The following NAA25 variants were observed in gnomAD, a reference collection of about 807,000 sequenced individuals.
The protein encoded by NAA25 is N-terminal acetyltransferase B complex subunit NAA25.
Under a neutral mutation model 132.5 loss-of-function variants are expected in NAA25, and 30 were observed. The ratio of observed to expected loss-of-function variants is 0.23; its 90% CI spans 0.17 to 0.31. The LOEUF (loss-of-function observed/expected upper bound fraction) is 0.31. Among genes scored for constraint, NAA25 ranks in the 10% least tolerant of loss-of-function variants. The pLI, the probability that NAA25 is intolerant of heterozygous loss-of-function variation, is 1.00. For synonymous variants in NAA25, 359 were observed against 401.9 expected (o/e 0.89, Z 1.28); for missense variants, 771 against 1,150.4 (o/e 0.67, Z 4.77).
At chr12:112,047,818 T>C in intron 16 of NAA25, 28 bp from the exon 17 acceptor site, 3 of 1,571,408 alleles carry the variant, frequency 1.9e-6, no homozygotes. Context: ...CCACATATTA[T>C]TTTAATAGTA....
At position 112,043,174 on chromosome 12, in the gene NAA25, C is replaced by T; in HGVS notation, c.2288G>A (p.Gly763Glu). 2 of 1,613,014 alleles carry T rather than the reference C, an allele frequency of 1.2e-6. No individual in the cohort carries two copies. The highest frequency in any genetic ancestry group is 1.7e-6 in the Non-Finnish European group (2 of 1,179,378). The change falls in exon 19 of 24, where the codon GGA becomes GAA. Residue 763 changes from glycine (G) to glutamate (E), a missense_variant. Gly to Glu is a moderately conservative substitution (Grantham distance 98, BLOSUM62 -2). Transcript: ENST00000261745. ...FLGPVPTRMGGFFNSGCSQCQ... is the reference protein window; with the variant it reads ...FLGPVPTRMGEFFNSGCSQCQ... ...CTGAGAACAGCCAGAATTAAAGAAT[C>T]CACCCATTCTGGTAGGTACAGGACC... is the stretch of plus-strand genomic sequence containing the variant.
rs190572415 is a variant in NAA25, at chr12:112,072,762, G to A, written c.867-698C>T. Among the ~76,000 whole-genome samples, 14 of 151,926 alleles carry A rather than the reference G, an allele frequency of 9.2e-5. No homozygotes were observed. The East Asian group carries it at 2.7e-3, about 29-fold the overall frequency. On this transcript the variant is annotated intron_variant, in intron 9 of 23. Transcript: ENST00000261745. ...GAGACCAGCCTAGGCAATGCATGGA[G>A]ACCCCATCTCTACAAAAAATTTAAA...
chr12:112,078,750 A>T lies in NAA25; in HGVS notation c.478-9T>A. Reference sequence around the variant, plus strand: ...TCCTGTGCCGATATAGACTGAAAGAAGAAAAATAATGTTTCATTCTAATTC... The same window carrying T: ...TCCTGTGCCGATATAGACTGAAAGATGAAAAATAATGTTTCATTCTAATTC... On this transcript the variant is annotated splice_polypyrimidine_tract_variant and intron_variant, in intron 5 of 23. Transcript: ENST00000261745. 1 of 1,602,472 alleles carries T rather than the reference A, an allele frequency of 6.2e-7. No homozygotes were observed. Among genetic ancestry groups the T allele is most frequent in the Non-Finnish European group, 8.5e-7 (1 of 1,170,544 alleles).
Position 112,075,663 on chromosome 12 carries a change from A to C in NAA25, c.776+15T>G, listed in dbSNP as rs2078885290. 6.2e-7 allele frequency: 1 copy of C among 1,603,382 alleles called. No homozygotes were observed. The highest frequency in any genetic ancestry group is 8.5e-7 in the Non-Finnish European group (1 of 1,170,390). ...TCACTACAGTCAAATGGTACAAAAGAAAGCTTTTACTCACTTTTTTAGTAA... is the reference window on the plus strand; with the variant it reads ...TCACTACAGTCAAATGGTACAAAAGCAAGCTTTTACTCACTTTTTTAGTAA... On this transcript the variant is annotated intron_variant, in intron 8 of 23. Transcript: ENST00000261745.
At chr12:112,033,916 A>AG (rs2078186534) in intron 22 of NAA25, 1 of 152,182 alleles carries the variant, frequency 6.6e-6, no homozygotes, top group African/African-American at 2.4e-5. Context: ...AAAGAATAGA[A>AG]GACATATCAA....
intron 22 of NAA25, among the ~76,000 whole-genome samples, chr12:112,038,756 G>C (rs1388272345): frequency 6.6e-6 from 1 of 152,146 alleles, no homozygotes; most frequent in Non-Finnish European, 1.5e-5. Context: ...GAGGTGGGCA[G>C]ATCACTTAAG....
At position 112,096,319 on chromosome 12, in the gene NAA25, CTCA is replaced by C. The variant is rs367569285; in HGVS notation, c.59-3186_59-3184del. 7.9e-5 allele frequency among the ~76,000 whole-genome samples: 12 copies of C among 152,306 alleles called. No homozygotes were observed. In the East Asian group the frequency reaches 9.6e-4, roughly 12 times the overall value. ...TCTACCACTACCAGGTTCCTCTTTG[CTCA>C]TCAAAGTTCCCTATCAGCAAAGGCA... On this transcript the variant is annotated intron_variant, in intron 1 of 23. Transcript: ENST00000261745.
intron 2 of NAA25, among the ~76,000 whole-genome samples, chr12:112,092,687 T>A (rs549715014): frequency 5.5e-4 from 84 of 152,042 alleles, no homozygotes; most frequent in Non-Finnish European, 9.3e-4. Context: ...CCCCCCTTTT[T>A]TTTTTTTTGA....
intron 22 of NAA25, 73 bp downstream of exon 22, chr12:112,039,156 G>C (rs2078267297): frequency 1.1e-6 from 1 of 928,150 alleles, no homozygotes. Context: ...TCAACATGGA[G>C]GAAAACAGTG....
At position 112,087,318 on chromosome 12, in the gene NAA25, TA is replaced by T. The variant is rs562332419; in HGVS notation, c.402+364del. 2.4e-3 allele frequency among the ~76,000 whole-genome samples: 365 copies of T among 152,332 alleles called. 1 individual carries two copies. Among genetic ancestry groups the T allele is most frequent in the Non-Finnish European group, 4.4e-3 (297 of 68,028 alleles). On this transcript the variant is annotated intron_variant, in intron 4 of 23. Coordinates refer to ENST00000261745, the MANE Select transcript of NAA25 (RefSeq NM_024953.4). ...ACAGTTTAAATTTACAAATTAGATG[TA>T]AACTTTAAAGTTACTCTTTCCATAG...
At chr12:112,055,830 T>A (rs1433436102) in intron 13 of NAA25, among the ~76,000 whole-genome samples, 1 of 152,180 alleles carries the variant, frequency 6.6e-6, no homozygotes, top group Non-Finnish European at 1.5e-5. Context: ...ACTTTTACAG[T>A]CAGTAACAAC....
chr12:112,060,670 A>G (rs1025817119), intron 12 of NAA25, among the ~76,000 whole-genome samples: 4 of 152,204 alleles, frequency 2.6e-5, no homozygotes, highest in African/African-American at 9.7e-5. Context: ...AGTGCCATGT[A>G]TAACTAAATT....
intron 13 of NAA25, 140 bp from the exon 14 acceptor site, chr12:112,054,708 A>T: frequency 1.4e-6 from 1 of 718,802 alleles, no homozygotes; most frequent in Non-Finnish European, 2.2e-6. Context: ...TTAGATATAC[A>T]CCTGTAACCA....
chr12:112,086,414 T>G (rs754562264), intron 4 of NAA25, among the ~76,000 whole-genome samples: 19 of 151,658 alleles, frequency 1.3e-4, no homozygotes, highest in Admixed American at 2.0e-4. Flanking sequence ...GAGAATCGCT[T>G]CAACCTGGGA....
In NAA25 at chr12:112,057,110, C is replaced by T. The variant is rs2078557943; in HGVS notation, c.1448-2542G>A. 4.6e-5 allele frequency among the ~76,000 whole-genome samples: 7 copies of T among 152,274 alleles called. No homozygotes were observed. The South Asian group carries it at 1.4e-3, about 32-fold the overall frequency. On this transcript the variant is annotated intron_variant, in intron 13 of 23. Coordinates refer to ENST00000261745, the MANE Select transcript of NAA25 (RefSeq NM_024953.4). ...GGCTGAGGCAGGAGAATCGCTTGAA[C>T]TTGGGACGCAGAGGTTGCAGTGAGC...
At chr12:112,081,202 A>G (rs2078969551) in intron 4 of NAA25, 68 bp from the exon 5 acceptor site, 2 of 1,341,744 alleles carry the variant, frequency 1.5e-6, no homozygotes, top group East Asian at 4.6e-5. Context: ...ATCTAGATAC[A>G]CGACAAAAAG....
In NAA25 at chr12:112,049,701, C is replaced by G; in HGVS notation, c.1729-1258G>C. The stretch of plus-strand genomic sequence containing the variant: ...TCAAGAAGGACTACCTGAAAAAGCT[C>G]GAGTATACCTTCTAGCTTGATTAAA... On this transcript the variant is annotated intron_variant, in intron 15 of 23. Transcript: ENST00000261745. This position sits in a 1 kb window ranked among gnomAD's most constrained non-coding sequence, Gnocchi z 4.7. 1 of 909,448 alleles carries G rather than the reference C, an allele frequency of 1.1e-6. No individual in the cohort carries two copies. The highest frequency in any genetic ancestry group is 1.3e-6 in the Non-Finnish European group (1 of 760,688). The allele number at this position is 909,448 out of a possible 1,614,324, so 56.3% of individuals were successfully genotyped here.
intron 22 of NAA25, among the ~76,000 whole-genome samples, chr12:112,035,854 A>T (rs972893648): frequency 6.6e-6 from 1 of 151,684 alleles, no homozygotes; most frequent in African/African-American, 2.4e-5. Flanking sequence ...ACTAATTTTT[A>T]AAAATTTTTT....
At chr12:112,052,659 T>C (rs898875481) in intron 15 of NAA25, among the ~76,000 whole-genome samples, 1 of 152,206 alleles carries the variant, frequency 6.6e-6, no homozygotes, top group Non-Finnish European at 1.5e-5. Flanking sequence ...GAAGATAGAT[T>C]AGTCATCCTG....
Sources: gnomAD v4.1 joint callset for allele counts (sites outside exome capture counted in the v4.1 genomes callset) on GRCh38, gnomAD v4.1.1 for gene constraint, Gnocchi (gnomAD v3.1) non-coding constraint, MANE v1.5 for transcripts, NCBI Gene and HGNC (gene_info 2026-07-23, HGNC 2026-07-21) for gene names.